Variants in ADAMTSL3 observed in about 807,000 individuals in gnomAD.
ADAMTSL3 encodes ADAMTS-like protein 3.
In ADAMTSL3, 128 loss-of-function variants were observed where a neutral mutation model predicts 201.7. The ratio of observed to expected loss-of-function variants is 0.63; its 90% CI spans 0.55 to 0.73. The LOEUF is 0.73. Ranked by LOEUF, ADAMTSL3 falls within the 30% of genes least tolerant of loss-of-function variation. The pLI is 0.00. For synonymous variants in ADAMTSL3, 738 were observed against 748.4 expected (o/e 0.99, Z 0.23); for missense variants, 1,990 against 2,119.6 (o/e 0.94, Z 1.20).
chr15:83,737,586 A>G (rs564598706), intron 3 of ADAMTSL3, among the ~76,000 whole-genome samples: 1 of 152,322 alleles, frequency 6.6e-6, no homozygotes, highest in East Asian at 1.9e-4. Context: ...CTATGAGTCA[A>G]TTAAAACTCT....
chr15:83,937,427 G>T (rs540256865), intron 17 of ADAMTSL3, among the ~76,000 whole-genome samples: 1 of 150,696 alleles, frequency 6.6e-6, no homozygotes, highest in Admixed American at 6.6e-5. Context: ...CAAATACCAC[G>T]TGTCCTCATT....
chr15:83,919,203 G>T (rs932543805), intron 16 of ADAMTSL3, among the ~76,000 whole-genome samples: 3 of 152,154 alleles, frequency 2.0e-5, no homozygotes, highest in African/African-American at 7.2e-5. Context: ...TGCATCATCT[G>T]TGCATCCAAG....
At chr15:83,755,067 G>T (rs1219627254) in intron 3 of ADAMTSL3, among the ~76,000 whole-genome samples, 1 of 152,064 alleles carries the variant, frequency 6.6e-6, no homozygotes, top group Non-Finnish European at 1.5e-5. Flanking sequence ...TGGATTAAAT[G>T]CTCACCACCA....
intron 2 of ADAMTSL3, among the ~76,000 whole-genome samples, chr15:83,690,073 G>A (rs572225612): frequency 2.0e-5 from 3 of 152,162 alleles, no homozygotes; most frequent in Admixed American, 1.3e-4. Context: ...AATATATTAG[G>A]ATAATTTTTT....
intron 3 of ADAMTSL3, among the ~76,000 whole-genome samples, chr15:83,710,351 C>T (rs896875851): frequency 1.1e-4 from 17 of 152,254 alleles, no homozygotes; most frequent in African/African-American, 3.6e-4. Flanking sequence ...TCTCATCTAC[C>T]ATTGCTTTCA....
At chr15:83,711,720 TTGAC>T (rs1281075103) in intron 3 of ADAMTSL3, among the ~76,000 whole-genome samples, 4 of 152,372 alleles carry the variant, frequency 2.6e-5, no homozygotes, top group East Asian at 3.9e-4. Flanking sequence ...GCTGTTCTGA[TTGAC>T]TGTGTCACAC....
At chr15:83,810,180 G>T (rs1439403764) in intron 5 of ADAMTSL3, among the ~76,000 whole-genome samples, 1 of 152,138 alleles carries the variant, frequency 6.6e-6, no homozygotes, top group African/African-American at 2.4e-5. Flanking sequence ...TTTATCAACC[G>T]AGTCCTCAGA....
chr15:83,800,212 C>G (rs1053431167), intron 4 of ADAMTSL3, among the ~76,000 whole-genome samples: 4 of 152,134 alleles, frequency 2.6e-5, no homozygotes, highest in African/African-American at 7.2e-5. Context: ...AGTAGGTTCA[C>G]CATAAGACAT....
At chr15:83,829,679 C>G (rs2064110954) in intron 6 of ADAMTSL3, among the ~76,000 whole-genome samples, 1 of 152,072 alleles carries the variant, frequency 6.6e-6, no homozygotes, top group Non-Finnish European at 1.5e-5. Context: ...TATAAATTTC[C>G]CTCTACACAC....
Position 83,678,714 on chromosome 15 carries a change from A to G in ADAMTSL3, c.69+22884A>G, listed in dbSNP as rs566781056. On this transcript the variant is annotated intron_variant, in intron 2 of 29. Transcript: ENST00000286744. ...TTTAGCCATTATTTCTTCAAGTGTTATTTTAGGCAATATATATATTGCCTA... is the reference window on the plus strand; with the variant it reads ...TTTAGCCATTATTTCTTCAAGTGTTGTTTTAGGCAATATATATATTGCCTA... Among the ~76,000 whole-genome samples the G allele has an allele frequency of 5.5e-5, 8 of 146,132 alleles. No individual in the cohort carries two copies. In the East Asian group the frequency reaches 1.6e-3, roughly 29 times the overall value.
intron 13 of ADAMTSL3, among the ~76,000 whole-genome samples, chr15:83,896,588 A>C (rs2065619592): frequency 6.6e-6 from 1 of 152,186 alleles, no homozygotes; most frequent in Non-Finnish European, 1.5e-5. Flanking sequence ...AGATGTTAAT[A>C]ATAGGGAAAA....
intron 9 of ADAMTSL3, among the ~76,000 whole-genome samples, chr15:83,878,922 A>C (rs1467613208): frequency 6.6e-6 from 1 of 152,098 alleles, no homozygotes; most frequent in East Asian, 1.9e-4. Context: ...GTGCACCAGG[A>C]AATGTTTAGA....
At chr15:83,688,938 A>G (rs1028371740) in intron 2 of ADAMTSL3, among the ~76,000 whole-genome samples, 1 of 152,016 alleles carries the variant, frequency 6.6e-6, no homozygotes, top group Non-Finnish European at 1.5e-5. Flanking sequence ...CCTCCCAGGT[A>G]GCTGGGACTA....
intron 3 of ADAMTSL3, among the ~76,000 whole-genome samples, chr15:83,754,342 A>G (rs545577278): frequency 1.5e-4 from 23 of 152,282 alleles, no homozygotes; most frequent in Admixed American, 7.2e-4. Context: ...GGCAGTTTCC[A>G]TAAATATTGC....
chr15:83,951,738 G>A (rs958966983), intron 19 of ADAMTSL3, among the ~76,000 whole-genome samples: 1 of 151,942 alleles, frequency 6.6e-6, no homozygotes, highest in East Asian at 1.9e-4. Flanking sequence ...GTTCAATCTG[G>A]GTAGGTTGTA....
At chr15:83,906,781 G>C (rs749140368) in intron 15 of ADAMTSL3, among the ~76,000 whole-genome samples, 1 of 151,346 alleles carries the variant, frequency 6.6e-6, no homozygotes, top group Non-Finnish European at 1.5e-5. Flanking sequence ...TGATAATTTT[G>C]TCTATTATGT....
At chr15:84,010,491 T>C (rs2067988806) in intron 23 of ADAMTSL3, among the ~76,000 whole-genome samples, 1 of 152,246 alleles carries the variant, frequency 6.6e-6, no homozygotes, top group South Asian at 2.1e-4. Flanking sequence ...AGTTTATTCA[T>C]TTATGCATTC....
chr15:83,674,355 C>T (rs534447670), intron 2 of ADAMTSL3, among the ~76,000 whole-genome samples: 24 of 152,134 alleles, frequency 1.6e-4, no homozygotes, highest in Admixed American at 1.2e-3. Context: ...ATTGCACCAT[C>T]GTCATTTCTT....
chr15:83,736,582 T>C (rs1379762025), intron 3 of ADAMTSL3, among the ~76,000 whole-genome samples: 1 of 152,184 alleles, frequency 6.6e-6, no homozygotes, highest in Non-Finnish European at 1.5e-5. Flanking sequence ...AATTCTGTGG[T>C]GGAAGCCATT....
Sources: allele counts gnomAD v4.1 joint callset (sites outside exome capture counted in the v4.1 genomes callset), GRCh38; gene constraint gnomAD v4.1.1; transcripts MANE v1.5; gene names NCBI Gene and HGNC (gene_info 2026-07-23, HGNC 2026-07-21).